Variants in TRPM8 observed in about 807,000 individuals in gnomAD.
TRPM8 encodes the protein TRPM8 cationic channel.
TRPM8 carries 110 observed loss-of-function variants against 133.7 expected under a neutral mutation model. That is an observed-to-expected ratio of 0.82 (90% CI 0.70 to 0.96). TRPM8 has a LOEUF of 0.96. Among genes scored for constraint, TRPM8 ranks in the 40% least tolerant of loss-of-function variants. TRPM8 has a pLI of 0.00. For synonymous variants in TRPM8, 535 were observed against 532.3 expected, an observed-to-expected ratio of 1.01 and a Z score of -0.07; for missense variants, 1,291 against 1,379.5, an observed-to-expected ratio of 0.94 and a Z score of 1.02.
At chr2:233,968,589 C>T (rs1249204415) in intron 15 of TRPM8, among the ~76,000 whole-genome samples, 1 of 152,130 alleles carries the variant, frequency 6.6e-6, no homozygotes, top group Non-Finnish European at 1.5e-5. Context: ...AAGCAGCCAT[C>T]CTCCTCCAAG....
At chr2:233,935,278 G>A (rs1691767814) in intron 3 of TRPM8, among the ~76,000 whole-genome samples, 2 of 152,344 alleles carry the variant, frequency 1.3e-5, no homozygotes, top group African/African-American at 2.4e-5. Context: ...GGTTCAGCCT[G>A]TGCAGGGGAT....
chr2:233,966,737 C>T lies in TRPM8; in HGVS notation c.2007C>T (p.Ile669=), dbSNP rs201839664. ...TGGAGGCCACAGACCAGCATTTCATCGCCCAGCCTGGGGTCCAGGTAAACC... is the reference window on the plus strand; with the variant it reads ...TGGAGGCCACAGACCAGCATTTCATTGCCCAGCCTGGGGTCCAGGTAAACC... The part of the protein sequence containing the change: ...LAVEATDQHF[I]AQPGVQNFLS... Residue 669 remains isoleucine (I), a synonymous_variant, in exon 15 of 26, where the codon ATC becomes ATT. Coordinates refer to ENST00000324695, the MANE Select transcript of TRPM8 (RefSeq NM_024080.5). 35 of 1,590,224 alleles carry T rather than the reference C, an allele frequency of 2.2e-5. No individual in the cohort carries two copies. Among genetic ancestry groups the T allele is most frequent in the East Asian group, 9.0e-5 (4 of 44,254 alleles).
intron 15 of TRPM8, chr2:233,968,158 A>G (rs925105612): frequency 6.6e-6 from 1 of 152,112 alleles, no homozygotes; most frequent in Non-Finnish European, 1.5e-5. Context: ...TGGCGTCTGC[A>G]TCACCCCAGC....
chr2:233,982,004 C>A, intron 19 of TRPM8, 89 bp downstream of exon 19: 1 of 1,357,544 alleles, frequency 7.4e-7, no homozygotes, highest in South Asian at 1.6e-5. Flanking sequence ...GTCCTTAGAA[C>A]GACTGTTGCA....
intron 13 of TRPM8, 139 bp downstream of exon 13, chr2:233,963,516 T>C (rs1691491074): frequency 1.7e-6 from 1 of 594,454 alleles, no homozygotes; most frequent in Non-Finnish European, 2.9e-6. Flanking sequence ...ACATGGTCTC[T>C]GTTCCATGTT....
intron 18 of TRPM8, 53 bp downstream of exon 18, chr2:233,980,332 G>A: frequency 8.0e-7 from 1 of 1,249,732 alleles, no homozygotes; most frequent in Non-Finnish European, 1.1e-6. Flanking sequence ...TACAAAAGTG[G>A]AGAAAAGCTC....
chr2:234,010,975 T>C (rs1692822967), intron 24 of TRPM8, among the ~76,000 whole-genome samples: 1 of 152,228 alleles, frequency 6.6e-6, no homozygotes. Context: ...GGTTTTGTTT[T>C]ACATAATCCC....
At chr2:234,013,578 T>C (rs1692891157) in intron 24 of TRPM8, 1 of 152,198 alleles carries the variant, frequency 6.6e-6, no homozygotes, top group Non-Finnish European at 1.5e-5. Flanking sequence ...AACTCTTACT[T>C]TCAATGATTT....
chr2:233,955,169 T>G lies in TRPM8; in HGVS notation c.1281T>G (p.Asn427Lys), dbSNP rs1691261744. The change falls in exon 11 of 26, where the codon AAT (asparagine) becomes AAG (lysine). Residue 427 changes from asparagine to lysine, a missense_variant. Physicochemically the swap from Asn to Lys is moderately conservative, Grantham distance 94. This residue lies in a region of TRPM8 where 963 missense variants were observed against 968.9 expected (regional missense o/e 0.99). Transcript: ENST00000324695. ...STSEQDKDNW[N>K]GQLKLLLEWN... is the part of the protein sequence containing the mutation. ...GTGAGCAAGACAAGGATAACTGGAA[T>G]GGGCAGCTGAAGCTTCTGCTGGAGT... 1 of 1,614,188 alleles carries G rather than the reference T, an allele frequency of 6.2e-7. No individual in the cohort carries two copies. Among genetic ancestry groups the G allele is most frequent in the East Asian group, 2.2e-5 (1 of 44,886 alleles).
intron 12 of TRPM8, among the ~76,000 whole-genome samples, chr2:233,962,805 A>G (rs971046672): frequency 1.3e-5 from 2 of 152,238 alleles, no homozygotes; most frequent in Admixed American, 6.5e-5. Context: ...AAAGGTACAG[A>G]ATGGTGAATA....
chr2:233,937,851 G>A lies in TRPM8; in HGVS notation c.348+342G>A, dbSNP rs912494117. 7.2e-5 allele frequency among the ~76,000 whole-genome samples: 11 copies of A among 152,210 alleles called. No homozygotes were observed. The East Asian group carries it at 2.1e-3, about 29-fold the overall frequency. On this transcript the variant is annotated intron_variant, in intron 4 of 25. Transcript: ENST00000324695. ...CTGCTTAGCTCTGCGTACTCCTGAG[G>A]TACATATGGCCCTGAATATGCATTC... is the stretch of plus-strand genomic sequence containing the variant.
intron 14 of TRPM8, among the ~76,000 whole-genome samples, chr2:233,965,565 T>A (rs1691546371): frequency 6.6e-6 from 1 of 152,234 alleles, no homozygotes. Flanking sequence ...TTTTTCCATT[T>A]TCACTTGAGT....
chr2:233,934,537 C>G (rs1000324910), intron 3 of TRPM8, among the ~76,000 whole-genome samples: 1 of 152,172 alleles, frequency 6.6e-6, no homozygotes, highest in South Asian at 2.1e-4. Context: ...CTGCAGTCCA[C>G]GTCAATGCAC....
intron 1 of TRPM8, among the ~76,000 whole-genome samples, chr2:233,921,677 C>CTTTTTTTTTTTTTTTTTTTTTTTTTT (rs11373529): frequency 9.4e-6 from 1 of 106,660 alleles, no homozygotes; most frequent in African/African-American, 3.8e-5. Flanking sequence ...CTTTTCTTTT[C>CTTTTTTTTTTTTTTTTTTTTTTTTTT]TTTTTTTTTT....
intron 22 of TRPM8, among the ~76,000 whole-genome samples, chr2:234,000,197 G>A (rs576745593): frequency 6.4e-4 from 97 of 151,410 alleles, no homozygotes; most frequent in South Asian, 2.8e-3. Flanking sequence ...TGCAACCTCC[G>A]CCTCCTGGGT....
intron 17 of TRPM8, among the ~76,000 whole-genome samples, chr2:233,971,452 G>A (rs1691715855): frequency 6.6e-6 from 1 of 152,164 alleles, no homozygotes; most frequent in Admixed American, 6.5e-5. Flanking sequence ...TGACCTGGGG[G>A]AAGAGTCCTG....
intron 6 of TRPM8, among the ~76,000 whole-genome samples, chr2:233,944,250 T>A (rs775909772): frequency 6.6e-6 from 1 of 151,910 alleles, no homozygotes; most frequent in Non-Finnish European, 1.5e-5. Flanking sequence ...GGGATGAGAG[T>A]GGCCTAGAGC....
chr2:233,923,500 C>T (rs1356245986), intron 1 of TRPM8, among the ~76,000 whole-genome samples: 1 of 152,204 alleles, frequency 6.6e-6, no homozygotes, highest in Admixed American at 6.5e-5. Flanking sequence ...CCCATGTCCC[C>T]TGCTGCCGTG....
chr2:234,009,638 C>A (rs984523524), intron 24 of TRPM8, among the ~76,000 whole-genome samples: 5 of 152,128 alleles, frequency 3.3e-5, no homozygotes, highest in African/African-American at 1.2e-4. Context: ...CACCGCCTCC[C>A]TCCCCTTCTC....
Sources: gnomAD v4.1 joint callset for allele counts (sites outside exome capture counted in the v4.1 genomes callset) on GRCh38, gnomAD v4.1.1 for gene constraint, gnomAD v4.1.1 regional missense constraint, MANE v1.5 for transcripts, NCBI Gene and HGNC (gene_info 2026-07-23, HGNC 2026-07-21) for gene names.